Variants in PPA2 observed in about 807,000 individuals in gnomAD.
PPA2 encodes the protein inorganic pyrophosphatase 2, mitochondrial.
In PPA2, 48 loss-of-function variants were observed where a neutral mutation model predicts 49.5. The observed-to-expected ratio is 0.97, with a 90% CI of 0.77 to 1.23. PPA2 has a LOEUF of 1.23. Among genes scored for constraint, PPA2 ranks in the 50% most tolerant of loss-of-function variants. The probability of loss-of-function intolerance (pLI) is 0.00; values close to 1 mark genes in which losing one functional copy is unlikely to be tolerated. For synonymous variants in PPA2, 131 were observed against 139.9 expected (o/e 0.94, Z 0.45); for missense variants, 429 against 410.1 (o/e 1.05, Z -0.40).
chr4:105,389,168 C>A (rs1048436253), intron 9 of PPA2, among the ~76,000 whole-genome samples: 4 of 151,724 alleles, frequency 2.6e-5, no homozygotes, highest in Admixed American at 2.0e-4. Flanking sequence ...GGCATGATAC[C>A]AAGAAATATT....
chr4:105,422,615 C>T (rs535216967), intron 7 of PPA2, among the ~76,000 whole-genome samples: 41 of 151,678 alleles, frequency 2.7e-4, no homozygotes, highest in African/African-American at 9.9e-4. Context: ...CTATATATTG[C>T]TCAATACAGT....
chr4:105,455,963 C>T (rs1437079610), intron 2 of PPA2: 1 of 203,578 alleles, frequency 4.9e-6, no homozygotes, highest in Admixed American at 5.1e-5. Flanking sequence ...AAGGAAATAA[C>T]CTACAACTTA....
chr4:105,436,504 T>C (rs993131047), intron 6 of PPA2, among the ~76,000 whole-genome samples: 4 of 150,996 alleles, frequency 2.6e-5, no homozygotes, highest in African/African-American at 9.8e-5. Context: ...AAAGCCAGAA[T>C]AGTCAAAGCA....
At chr4:105,469,743 T>C (rs527484667) in intron 1 of PPA2, among the ~76,000 whole-genome samples, 13 of 152,216 alleles carry the variant, frequency 8.5e-5, no homozygotes, top group Non-Finnish European at 1.5e-4. Context: ...AAAATACTTT[T>C]TCTATATTCA....
intron 5 of PPA2, among the ~76,000 whole-genome samples, chr4:105,442,744 C>G (rs1378794544): frequency 2.0e-5 from 3 of 152,152 alleles, no homozygotes; most frequent in Non-Finnish European, 2.9e-5. Context: ...TGATGGTATA[C>G]TGATGAATCA....
At chr4:105,448,177 A>C (rs1403394680) in intron 4 of PPA2, 1 of 284,838 alleles carries the variant, frequency 3.5e-6, no homozygotes, top group Non-Finnish European at 7.0e-6. Context: ...AGATCCTTGC[A>C]TCCTCCACCT....
At chr4:105,380,633 T>C (rs767594000) in intron 10 of PPA2, among the ~76,000 whole-genome samples, 2 of 152,162 alleles carry the variant, frequency 1.3e-5, no homozygotes, top group Non-Finnish European at 2.9e-5. Flanking sequence ...AAAATAAAAA[T>C]CATATTTACT....
chr4:105,398,220 A>G (rs571550885), intron 8 of PPA2: 1 of 152,120 alleles, frequency 6.6e-6, no homozygotes, highest in African/African-American at 2.4e-5. Flanking sequence ...TAATGTATAA[A>G]TTTTCAATCC....
Position 105,374,229 on chromosome 4 carries a change from C to T in PPA2, c.940-3356G>A, listed in dbSNP as rs557303194. On this transcript the variant is annotated intron_variant, in intron 10 of 11. Transcript: ENST00000341695. Reference sequence around the variant, plus strand: ...TACTCACCCAAAATAAATTCTCCACCAACAATGAGTATTGTTTTATAGTCT... The same window carrying T: ...TACTCACCCAAAATAAATTCTCCACTAACAATGAGTATTGTTTTATAGTCT... Among the ~76,000 whole-genome samples, 5 of 152,200 alleles carry T rather than the reference C, an allele frequency of 3.3e-5. No homozygotes were observed. The South Asian group carries it at 1.0e-3, about 32-fold the overall frequency.
At chr4:105,440,916 C>T (rs576405570) in intron 5 of PPA2, among the ~76,000 whole-genome samples, 37 of 152,268 alleles carry the variant, frequency 2.4e-4, no homozygotes, top group Middle Eastern at 3.4e-3. Context: ...ATTTTCCTTA[C>T]CAGCAAAAAT....
chr4:105,453,471 TC>T (rs1173552354), intron 3 of PPA2, 126 bp downstream of exon 3: 1 of 615,360 alleles, frequency 1.6e-6, no homozygotes, highest in Non-Finnish European at 2.6e-6. Flanking sequence ...AAGAAAAACA[TC>T]GGAATGCACA....
chr4:105,389,376 CA>C (rs1733810658), intron 9 of PPA2, among the ~76,000 whole-genome samples: 1 of 149,330 alleles, frequency 6.7e-6, no homozygotes, highest in African/African-American at 2.5e-5. Flanking sequence ...TACGACCTGC[CA>C]GGGGAAAAGC....
chr4:105,443,367 G>A (rs1724452185), intron 5 of PPA2, among the ~76,000 whole-genome samples: 1 of 148,006 alleles, frequency 6.8e-6, no homozygotes, highest in Non-Finnish European at 1.5e-5. Context: ...AGTTGGAGAT[G>A]AGATTAAAAA....
chr4:105,430,679 T>C (rs1723756929), intron 6 of PPA2, among the ~76,000 whole-genome samples: 1 of 151,998 alleles, frequency 6.6e-6, no homozygotes, highest in African/African-American at 2.4e-5. Flanking sequence ...GGCTAACAAA[T>C]CAGAAGACTA....
rs1329579719 is a variant in PPA2, at chr4:105,446,393, G to T, written c.431C>A (p.Thr144Asn). The T allele has an allele frequency of 5.1e-6, 8 of 1,558,326 alleles. No homozygotes were observed. The highest frequency in any genetic ancestry group is 6.1e-6 in the Non-Finnish European group (7 of 1,152,102). Reference protein sequence around the residue: ...PYKGYIWNYGTLPQTWEDPHE... With the variant: ...PYKGYIWNYGNLPQTWEDPHE... ...TAACAAAAATGTTACCTGAGGGAGG[G>T]TACCATAATTCCATATATAACCCTT... The change falls in exon 5 of 12, where the codon ACC (threonine) becomes AAC (asparagine). Residue 144 changes from threonine (T) to asparagine (N), a missense_variant. By Grantham distance (65) the Thr-to-Asn change is moderately conservative. Transcript: ENST00000341695.
intron 7 of PPA2, among the ~76,000 whole-genome samples, chr4:105,415,076 T>G (rs1319974062): frequency 6.6e-6 from 1 of 152,078 alleles, no homozygotes; most frequent in African/African-American, 2.4e-5. Context: ...AGGGAGGAAG[T>G]GTGTGCTGAT....
Position 105,440,407 on chromosome 4 carries a change from G to A in PPA2, c.442-2371C>T, listed in dbSNP as rs372420909. On this transcript the variant is annotated intron_variant, in intron 5 of 11. Coordinates refer to ENST00000341695, the MANE Select transcript of PPA2 (RefSeq NM_176869.3). ...CTCCCAAGTGGCTGGAACTACAGGC[G>A]CCCACCACCACCCTAGCTAATGTTT... Among the ~76,000 whole-genome samples, 3 of 151,796 alleles carry A rather than the reference G, an allele frequency of 2.0e-5. No homozygotes were observed. In the South Asian group the frequency reaches 6.2e-4, roughly 32 times the overall value.
chr4:105,394,893 C>G (rs1734075176), intron 9 of PPA2, among the ~76,000 whole-genome samples: 1 of 151,900 alleles, frequency 6.6e-6, no homozygotes, highest in Admixed American at 6.6e-5. Context: ...AATCACAGAC[C>G]CCCTCCTCCT....
At chr4:105,456,519 A>C (rs1428596863) in intron 2 of PPA2, 162 bp downstream of exon 2, 1 of 575,146 alleles carries the variant, frequency 1.7e-6, no homozygotes, top group African/African-American at 1.9e-5. Context: ...ATTCTCATAC[A>C]ACTTTTAATT....
Sources: allele counts gnomAD v4.1 joint callset (sites outside exome capture counted in the v4.1 genomes callset), GRCh38; gene constraint gnomAD v4.1.1; transcripts MANE v1.5; gene names NCBI Gene and HGNC (gene_info 2026-07-23, HGNC 2026-07-21).